Variants in SOS1 observed in about 807,000 individuals in gnomAD.
SOS1 encodes the protein SOS Ras/Rac guanine nucleotide exchange factor 1.
In SOS1, 25 loss-of-function variants were observed where a neutral mutation model predicts 157.6. That is an observed-to-expected ratio of 0.16 (90% CI 0.12 to 0.22). The LOEUF (loss-of-function observed/expected upper bound fraction) is 0.22. Among genes scored for constraint, SOS1 ranks in the 10% least tolerant of loss-of-function variants. SOS1 has a pLI of 1.00. For synonymous variants in SOS1, 528 were observed against 534.0 expected (o/e 0.99, Z 0.16); for missense variants, 1,237 against 1,599.1 (o/e 0.77, Z 3.86).
intron 21 of SOS1, among the ~76,000 whole-genome samples, chr2:38,987,932 T>C (rs1668602855): frequency 6.6e-6 from 1 of 152,212 alleles, no homozygotes. Context: ...ATCTTTGGAA[T>C]GGTAATTTTT....
intron 1 of SOS1, among the ~76,000 whole-genome samples, chr2:39,100,561 G>C (rs1445352571): frequency 2.6e-5 from 4 of 152,162 alleles, no homozygotes; most frequent in Non-Finnish European, 5.9e-5. Context: ...GCCAGACACT[G>C]AAAGAAAATA....
intron 1 of SOS1, among the ~76,000 whole-genome samples, chr2:39,114,846 C>T (rs1336065605): frequency 6.6e-6 from 1 of 152,168 alleles, no homozygotes; most frequent in Non-Finnish European, 1.5e-5. Flanking sequence ...GATCCACCTG[C>T]CTTGGCCTCC....
At chr2:39,057,102 C>T (rs1308809587) in intron 3 of SOS1, among the ~76,000 whole-genome samples, 2 of 152,018 alleles carry the variant, frequency 1.3e-5, no homozygotes, top group Non-Finnish European at 2.9e-5. Context: ...AATACTTAAG[C>T]GGAGATTACA....
At chr2:39,098,875 C>T (rs915987110) in intron 1 of SOS1, among the ~76,000 whole-genome samples, 11 of 151,900 alleles carry the variant, frequency 7.2e-5, no homozygotes, top group Non-Finnish European at 1.6e-4. Flanking sequence ...GGCAACAAAG[C>T]GAGACCACAC....
At chr2:39,093,817 G>A (rs556459437) in intron 1 of SOS1, among the ~76,000 whole-genome samples, 2 of 152,298 alleles carry the variant, frequency 1.3e-5, no homozygotes, top group Admixed American at 6.5e-5. Flanking sequence ...TCTTTAAAAG[G>A]ATACATTGCT....
intron 8 of SOS1, 105 bp downstream of exon 8, chr2:39,035,107 A>G: frequency 1.4e-6 from 1 of 736,528 alleles, no homozygotes; most frequent in Non-Finnish European, 2.4e-6. Context: ...GAAAACAGAA[A>G]CACACTAATG....
At chr2:39,079,655 C>G (rs1478125113) in intron 1 of SOS1, among the ~76,000 whole-genome samples, 1 of 151,724 alleles carries the variant, frequency 6.6e-6, no homozygotes, top group South Asian at 2.1e-4. Context: ...CCACCATGCC[C>G]GGCTAATTTT....
intron 1 of SOS1, among the ~76,000 whole-genome samples, chr2:39,086,738 G>C (rs1328943467): frequency 6.6e-6 from 1 of 152,220 alleles, no homozygotes; most frequent in African/African-American, 2.4e-5. Context: ...TCTAGGAAAG[G>C]AAGGGAGTCT....
intron 3 of SOS1, among the ~76,000 whole-genome samples, chr2:39,058,051 T>C (rs1671271946): frequency 6.6e-6 from 1 of 152,144 alleles, no homozygotes; most frequent in Admixed American, 6.5e-5. Context: ...TATTATAGTA[T>C]GTACAAAATT....
rs960580114 is a variant in SOS1, at chr2:38,983,290, T to G, written c.*2534A>C. Reference sequence around the variant, plus strand: ...GATAAATTTGTCAACTAGTTAATGTTTCATATTGAGAAGAAGGCAAGGATG... The same window carrying G: ...GATAAATTTGTCAACTAGTTAATGTGTCATATTGAGAAGAAGGCAAGGATG... On this transcript the variant is annotated 3_prime_UTR_variant, in exon 23 of 23. Coordinates refer to ENST00000402219, the MANE Select transcript of SOS1 (RefSeq NM_005633.4). 1 of 152,184 alleles carries G rather than the reference T, an allele frequency of 6.6e-6. No homozygotes were observed. Among genetic ancestry groups the G allele is most frequent in the Non-Finnish European group, 1.5e-5 (1 of 68,036 alleles). 9.4% of individuals were successfully genotyped at this position (152,184 alleles called of 1,614,324 possible).
chr2:39,048,423 CAG>C (rs1490314996), intron 6 of SOS1, among the ~76,000 whole-genome samples: 2 of 151,238 alleles, frequency 1.3e-5, no homozygotes, highest in Non-Finnish European at 2.9e-5. Flanking sequence ...TTCTTTAAGA[CAG>C]AGTCTTGCTC....
intron 2 of SOS1, among the ~76,000 whole-genome samples, chr2:39,060,978 T>A (rs915730016): frequency 6.6e-6 from 1 of 150,606 alleles, no homozygotes; most frequent in South Asian, 2.1e-4. Flanking sequence ...AGAGACTAAT[T>A]GTAGGCAGGG....
chr2:39,059,174 G>C (rs1255152979), intron 2 of SOS1, among the ~76,000 whole-genome samples: 2 of 152,112 alleles, frequency 1.3e-5, no homozygotes, highest in African/African-American at 4.8e-5. Context: ...TCACTCACTT[G>C]TCCTTACTTT....
chr2:39,073,236 G>T (rs570091009), intron 1 of SOS1, among the ~76,000 whole-genome samples: 2 of 152,312 alleles, frequency 1.3e-5, no homozygotes, highest in East Asian at 3.9e-4. Flanking sequence ...AGAGTTGCAT[G>T]TGTGTTTATG....
At chr2:39,003,774 C>G (rs1256959515) in intron 17 of SOS1, among the ~76,000 whole-genome samples, 1 of 152,120 alleles carries the variant, frequency 6.6e-6, no homozygotes, top group African/African-American at 2.4e-5. Context: ...AAAAAAAGGA[C>G]TGAAGAAACC....
intron 6 of SOS1, among the ~76,000 whole-genome samples, chr2:39,038,670 G>C (rs1046271611): frequency 1.1e-4 from 14 of 126,766 alleles, no homozygotes; most frequent in African/African-American, 3.3e-4. Context: ...GGAGGCAGAG[G>C]TTGCAGTGAG....
intron 2 of SOS1, among the ~76,000 whole-genome samples, chr2:39,063,068 T>TA (rs896697514): frequency 1.3e-5 from 2 of 152,030 alleles, no homozygotes; most frequent in Non-Finnish European, 2.9e-5. Flanking sequence ...AATATTTTTT[T>TA]AAAAATAAAA....
At chr2:39,046,802 C>G (rs1285759814) in intron 6 of SOS1, among the ~76,000 whole-genome samples, 1 of 152,186 alleles carries the variant, frequency 6.6e-6, no homozygotes, top group Admixed American at 6.5e-5. Context: ...CGGCCTACAT[C>G]TACCAATTTC....
At chr2:39,025,184 C>T (rs987682334) in intron 8 of SOS1, among the ~76,000 whole-genome samples, 21 of 152,022 alleles carry the variant, frequency 1.4e-4, no homozygotes, top group Admixed American at 9.2e-4. Context: ...GTGGGAGGAT[C>T]GCTTAAGCCT....
Sources: gnomAD v4.1 joint callset for allele counts (sites outside exome capture counted in the v4.1 genomes callset) on GRCh38, gnomAD v4.1.1 for gene constraint, MANE v1.5 for transcripts, NCBI Gene and HGNC (gene_info 2026-07-23, HGNC 2026-07-21) for gene names.